CORO2B: variants seen among roughly 807,000 people sequenced by gnomAD.
CORO2B encodes coronin-2B.
In CORO2B, 26 loss-of-function variants were observed where a neutral mutation model predicts 58.8. That is an observed-to-expected ratio of 0.44 (90% CI 0.32 to 0.61). CORO2B has a LOEUF of 0.61. Among genes scored for constraint, CORO2B ranks in the 20% least tolerant of loss-of-function variants. The pLI is 0.04. For missense variants in CORO2B, 460 were observed against 645.1 expected (o/e 0.71, Z 3.11); for synonymous variants, 242 against 253.8 (o/e 0.95, Z 0.44).
chr15:68,572,252 T>G, the CORO2B span, among the ~76,000 whole-genome samples: 2 of 152,218 alleles, frequency 1.3e-5, no homozygotes, highest in African/African-American at 4.8e-5. Flanking sequence ...AAGTCCAGGA[T>G]GGTCCCAGGA....
At chr15:68,531,622 A>G in the CORO2B span, among the ~76,000 whole-genome samples, 1 of 145,488 alleles carries the variant, frequency 6.9e-6, no homozygotes, top group African/African-American at 2.5e-5. Context: ...AAGGAGAGAG[A>G]GAGAAAGAAA....
Position 68,713,829 on chromosome 15 carries a change from A to T in CORO2B, c.649-96A>T, listed in dbSNP as rs947911358. 2.3e-5 allele frequency: 18 copies of T among 789,148 alleles called. No individual in the cohort carries two copies. In the Admixed American group the frequency reaches 3.7e-4, roughly 16 times the overall value. The allele number at this position is 789,148 out of a possible 1,614,324, so 48.9% of individuals were successfully genotyped here. On this transcript the variant is annotated intron_variant, in intron 5 of 11. Transcript: ENST00000261861. ...GAAATAATTGCAGGGGCCAGGGCTGAGGACATGGGTGTATCTTTTCGGGAC... is the reference window on the plus strand; with the variant it reads ...GAAATAATTGCAGGGGCCAGGGCTGTGGACATGGGTGTATCTTTTCGGGAC...
At chr15:68,613,793 T>A (rs1396093273) in intron 1 of CORO2B, among the ~76,000 whole-genome samples, 1 of 152,234 alleles carries the variant, frequency 6.6e-6, no homozygotes, top group Non-Finnish European at 1.5e-5. Context: ...TGTGTATACC[T>A]GTATAGATGG....
chr15:68,656,877 C>T (rs949146914), intron 2 of CORO2B, among the ~76,000 whole-genome samples: 3 of 152,192 alleles, frequency 2.0e-5, no homozygotes, highest in African/African-American at 7.2e-5. Context: ...TACATAAAGC[C>T]TGGAAGGTGC....
chr15:68,604,172 C>T (rs1191091303), intron 1 of CORO2B, among the ~76,000 whole-genome samples: 5 of 152,186 alleles, frequency 3.3e-5, no homozygotes, highest in African/African-American at 4.8e-5. Context: ...TTATCACGTT[C>T]GCTTGTCAGT....
At chr15:68,693,893 C>T (rs12910996) in intron 2 of CORO2B, among the ~76,000 whole-genome samples, 32,171 of 152,032 alleles carry the variant, frequency 0.21, 3,606 homozygotes, top group Middle Eastern at 0.27. Context: ...TGGAGTGCAG[C>T]GGCACAATCT....
upstream of CORO2B, among the ~76,000 whole-genome samples, chr15:68,578,749 C>T (rs2140550666): frequency 6.6e-6 from 1 of 152,198 alleles, no homozygotes; most frequent in East Asian, 1.9e-4. This position sits in a 1 kb window ranked among gnomAD's most constrained non-coding sequence, Gnocchi z 4.2. Context: ...TGCCGGGAGC[C>T]AGCCTCGCCC....
intron 8 of CORO2B, among the ~76,000 whole-genome samples, chr15:68,718,296 G>A (rs1186325238): frequency 2.0e-5 from 3 of 152,192 alleles, no homozygotes; most frequent in Admixed American, 6.5e-5. Context: ...GAGGCTTAGG[G>A]ATGACTGTTC....
intron 1 of CORO2B, among the ~76,000 whole-genome samples, chr15:68,638,862 C>T (rs1248339193): frequency 3.9e-5 from 6 of 152,156 alleles, no homozygotes; most frequent in South Asian, 2.1e-4. Context: ...ATCATGACTG[C>T]GGGTGGGCTT....
At chr15:68,671,444 G>A (rs578246978) in intron 2 of CORO2B, among the ~76,000 whole-genome samples, 1 of 152,194 alleles carries the variant, frequency 6.6e-6, no homozygotes, top group Non-Finnish European at 1.5e-5. Flanking sequence ...AATCTGAGAT[G>A]ATAATGCCTG....
intron 1 of CORO2B, among the ~76,000 whole-genome samples, chr15:68,595,962 C>T (rs796375287): frequency 3.3e-5 from 5 of 151,820 alleles, no homozygotes; most frequent in African/African-American, 1.2e-4. Context: ...GCCAGGGCAG[C>T]GACGCCGTGG....
intron 1 of CORO2B, among the ~76,000 whole-genome samples, chr15:68,596,619 T>C (rs766082167): frequency 6.6e-6 from 1 of 151,942 alleles, no homozygotes; most frequent in Non-Finnish European, 1.5e-5. Flanking sequence ...GGAGGACAGA[T>C]AGGTGAAGGA....
chr15:68,721,245 G>C (rs1893152582), intron 11 of CORO2B, among the ~76,000 whole-genome samples: 1 of 152,152 alleles, frequency 6.6e-6, no homozygotes, highest in African/African-American at 2.4e-5. Context: ...ACAGTCTTAA[G>C]GGGGAGATTG....
intron 1 of CORO2B, among the ~76,000 whole-genome samples, chr15:68,580,460 C>T (rs539581475): frequency 6.6e-6 from 1 of 152,112 alleles, no homozygotes; most frequent in Non-Finnish European, 1.5e-5. Flanking sequence ...TCTGGTAAGC[C>T]AGGGCCTACC....
chr15:68,641,694 T>C (rs904274495), intron 1 of CORO2B: 8 of 513,748 alleles, frequency 1.6e-5, no homozygotes, highest in Non-Finnish European at 2.0e-5. Flanking sequence ...CCCAAGCCCT[T>C]GGAGGTGATG....
At chr15:68,535,071 C>T in the CORO2B span, among the ~76,000 whole-genome samples, 1 of 152,144 alleles carries the variant, frequency 6.6e-6, no homozygotes, top group South Asian at 2.1e-4. Flanking sequence ...TGGGTGGGGA[C>T]ACAGCCACAC....
chr15:68,663,828 T>C (rs1902095278), intron 2 of CORO2B, among the ~76,000 whole-genome samples: 1 of 152,220 alleles, frequency 6.6e-6, no homozygotes, highest in African/African-American at 2.4e-5. Context: ...GTAGTTTCAA[T>C]TAGCATTCTT....
the CORO2B span, among the ~76,000 whole-genome samples, chr15:68,554,920 T>G: frequency 1.3e-5 from 2 of 152,080 alleles, no homozygotes; most frequent in Non-Finnish European, 2.9e-5. Context: ...GTCAGGCCTG[T>G]CTGACTCCAA....
the CORO2B span, among the ~76,000 whole-genome samples, chr15:68,551,928 A>G: frequency 4.6e-5 from 7 of 151,784 alleles, no homozygotes; most frequent in South Asian, 1.5e-3. Context: ...CCTCCCATAC[A>G]TCAAGACCCA....
Sources: gnomAD v4.1 joint callset for allele counts (sites outside exome capture counted in the v4.1 genomes callset) on GRCh38, gnomAD v4.1.1 for gene constraint, Gnocchi (gnomAD v3.1) non-coding constraint, MANE v1.5 for transcripts, NCBI Gene and HGNC (gene_info 2026-07-23, HGNC 2026-07-21) for gene names.